Variants in ENTREP1 observed in about 807,000 individuals in gnomAD.
ENTREP1 encodes the protein endosomal transmembrane epsin interactor 1, also known as Friedreich ataxia region gene X123.
chr9:69,341,432 G>A, the ENTREP1 span, among the ~76,000 whole-genome samples: 1 of 151,968 alleles, frequency 6.6e-6, no homozygotes, highest in Admixed American at 6.6e-5. Flanking sequence ...ATAGTATTTA[G>A]GATAAAACCT....
the ENTREP1 span, chr9:69,324,751 C>G: frequency 1.0e-6 from 1 of 985,586 alleles, no homozygotes; most frequent in East Asian, 1.1e-4. Flanking sequence ...CATCCCCCTC[C>G]TTGGGCAAAA....
chr9:69,385,763 CTTTTTTT>C, the ENTREP1 span: 190 of 1,243,376 alleles, frequency 1.5e-4, no homozygotes, highest in Admixed American at 4.9e-4. Context: ...TGTTTCGCCT[CTTTTTTT>C]TTTTTTTTTT....
At chr9:69,350,879 G>T in the ENTREP1 span, among the ~76,000 whole-genome samples, 3 of 152,048 alleles carry the variant, frequency 2.0e-5, no homozygotes, top group Admixed American at 6.5e-5. Flanking sequence ...CTATTTGGAA[G>T]CTTTTAAGAT....
chr9:69,371,800 C>T, the ENTREP1 span, among the ~76,000 whole-genome samples: 1 of 152,136 alleles, frequency 6.6e-6, no homozygotes, highest in East Asian at 1.9e-4. Flanking sequence ...TTACTTTTTC[C>T]AAAGCAGGGA....
the ENTREP1 span, chr9:69,380,730 A>C: frequency 2.0e-5 from 3 of 152,168 alleles, no homozygotes; most frequent in African/African-American, 7.2e-5. Flanking sequence ...GGAGTCTCCA[A>C]CCTATTTCTT....
At chr9:69,325,750 G>T in the ENTREP1 span, 3 of 1,223,144 alleles carry the variant, frequency 2.5e-6, no homozygotes, top group South Asian at 4.1e-5. Context: ...CGCCCCGTTC[G>T]CCCGGTCATC....
the ENTREP1 span, among the ~76,000 whole-genome samples, chr9:69,350,218 C>T: frequency 4.8e-4 from 73 of 152,218 alleles, no homozygotes; most frequent in African/African-American, 1.7e-3. Context: ...AGCTGTTTTG[C>T]TTAGGTCTTT....
chr9:69,348,206 C>T, the ENTREP1 span, among the ~76,000 whole-genome samples: 1 of 152,116 alleles, frequency 6.6e-6, no homozygotes, highest in African/African-American at 2.4e-5. Flanking sequence ...CCTCGACCTC[C>T]TGGGGTCAAC....
At chr9:69,386,767 A>C in the ENTREP1 span, 1 of 152,170 alleles carries the variant, frequency 6.6e-6, no homozygotes, top group South Asian at 2.1e-4. Context: ...GCTCTCTGAC[A>C]GTGTGTGTTA....
At chr9:69,353,017 G>T in the ENTREP1 span, among the ~76,000 whole-genome samples, 6 of 152,132 alleles carry the variant, frequency 3.9e-5, no homozygotes, top group African/African-American at 1.4e-4. Flanking sequence ...CATGCATGTA[G>T]TCTCAGCTAT....
At chr9:69,348,200 G>A in the ENTREP1 span, among the ~76,000 whole-genome samples, 1 of 152,048 alleles carries the variant, frequency 6.6e-6, no homozygotes, top group Admixed American at 6.6e-5. Flanking sequence ...CTGCAGCCTC[G>A]ACCTCCTGGG....
the ENTREP1 span, chr9:69,392,063 G>A: frequency 3.8e-6 from 2 of 527,038 alleles, no homozygotes; most frequent in African/African-American, 1.9e-5. Flanking sequence ...GGGCCTCGCA[G>A]CATTCCCAAG....
At chr9:69,337,422 T>C in the ENTREP1 span, among the ~76,000 whole-genome samples, 1 of 152,228 alleles carries the variant, frequency 6.6e-6, no homozygotes, top group Non-Finnish European at 1.5e-5. Flanking sequence ...ATTTGCTATA[T>C]TATCTCTTTG....
chr9:69,359,149 G>A, the ENTREP1 span, among the ~76,000 whole-genome samples: 8 of 151,916 alleles, frequency 5.3e-5, no homozygotes, highest in African/African-American at 1.7e-4. Flanking sequence ...CAAGTGACCC[G>A]CCCGCCTCAG....
the ENTREP1 span, chr9:69,387,988 A>G: frequency 5.0e-6 from 7 of 1,413,796 alleles, no homozygotes; most frequent in Non-Finnish European, 5.6e-6. Flanking sequence ...TTCAGGGAAT[A>G]ACCTTGTGTT....
the ENTREP1 span, chr9:69,336,132 A>T: frequency 1.5e-5 from 11 of 720,406 alleles, no homozygotes; most frequent in Non-Finnish European, 2.3e-5. Context: ...CAGTATCTTT[A>T]AAAATATGTA....
chr9:69,348,215 A>G, the ENTREP1 span, among the ~76,000 whole-genome samples: 5 of 152,178 alleles, frequency 3.3e-5, no homozygotes, highest in East Asian at 9.6e-4. Flanking sequence ...CCTGGGGTCA[A>G]CTGATCCTCC....
chr9:69,344,470 G>C, the ENTREP1 span, among the ~76,000 whole-genome samples: 11 of 152,150 alleles, frequency 7.2e-5, no homozygotes, highest in Non-Finnish European at 1.6e-4. Flanking sequence ...GTGAAGAGGA[G>C]ACTTTTAGTT....
chr9:69,371,097 C>T, the ENTREP1 span, among the ~76,000 whole-genome samples: 1 of 152,098 alleles, frequency 6.6e-6, no homozygotes, highest in Non-Finnish European at 1.5e-5. Flanking sequence ...CTCTGAGCTC[C>T]TTCATGTCCC....
Sources: allele counts gnomAD v4.1 joint callset (sites outside exome capture counted in the v4.1 genomes callset), GRCh38; gene constraint gnomAD v4.1.1; transcripts MANE v1.5; gene names NCBI Gene and HGNC (gene_info 2026-07-23, HGNC 2026-07-21).